ZDHHC20: variants seen among roughly 807,000 people sequenced by gnomAD.
ZDHHC20 encodes the protein palmitoyltransferase ZDHHC20.
A neutral mutation model predicts 57.8 loss-of-function variants in ZDHHC20; 43 were observed. The observed-to-expected ratio is 0.74, with a 90% CI of 0.58 to 0.96. The LOEUF is 0.96. Among genes scored for constraint, ZDHHC20 ranks in the 40% least tolerant of loss-of-function variants. The probability of loss-of-function intolerance (pLI) is 0.00; values close to 1 mark genes in which losing one functional copy is unlikely to be tolerated. For missense variants in ZDHHC20, 391 were observed against 441.1 expected (o/e 0.89, Z 1.02); for synonymous variants, 157 against 153.0 (o/e 1.03, Z -0.19).
chr13:21,407,138 G>A (rs993426449), intron 4 of ZDHHC20, among the ~76,000 whole-genome samples: 4 of 152,076 alleles, frequency 2.6e-5, no homozygotes, highest in East Asian at 1.9e-4. Flanking sequence ...ACAGGTGCCC[G>A]CCACCAGGTC....
At chr13:21,450,653 C>T (rs997183343) in intron 1 of ZDHHC20, among the ~76,000 whole-genome samples, 2 of 152,048 alleles carry the variant, frequency 1.3e-5, no homozygotes, top group East Asian at 3.8e-4. Context: ...TTCAAATAAA[C>T]AGGTCTTCTG....
chr13:21,448,490 C>A (rs1399525632), intron 1 of ZDHHC20, among the ~76,000 whole-genome samples: 2 of 101,968 alleles, frequency 2.0e-5, no homozygotes, highest in Non-Finnish European at 4.8e-5. Context: ...CGCCGCCCGG[C>A]CAGCCGCCCC....
rs1295160446 is a variant in ZDHHC20 at position 21,382,844 on chromosome 13, A to G, written c.944+76T>C. 9.9e-6 allele frequency: 12 copies of G among 1,217,242 alleles called. No homozygotes were observed. The African/African-American group carries it at 1.4e-4, about 14-fold the overall frequency. The allele number at this position is 1,217,242 out of a possible 1,614,324, so 75.4% of individuals were successfully genotyped here. A position where few individuals can be genotyped will look rare whatever the true frequency, so the allele number is the denominator to read the frequency against. On this transcript the variant is annotated intron_variant, in intron 10 of 12. Transcript: ENST00000400590. ...TACTAAATCACTACTGTATTTACTCATAAGATGTACACACAACACATGTAT... is the reference window on the plus strand; with the variant it reads ...TACTAAATCACTACTGTATTTACTCGTAAGATGTACACACAACACATGTAT...
chr13:21,440,039 C>A (rs2137998998), intron 1 of ZDHHC20, among the ~76,000 whole-genome samples: 1 of 138,716 alleles, frequency 7.2e-6, no homozygotes, highest in African/African-American at 2.7e-5. Flanking sequence ...GGCACTCCAG[C>A]CTGGGCGACA....
intron 1 of ZDHHC20, among the ~76,000 whole-genome samples, chr13:21,432,593 A>G (rs375802707): frequency 6.6e-6 from 1 of 152,028 alleles, no homozygotes; most frequent in Admixed American, 6.6e-5. Flanking sequence ...CGGCCTCCCA[A>G]AGTGCTGGGA....
intron 1 of ZDHHC20, among the ~76,000 whole-genome samples, chr13:21,448,495 C>T (rs1466407674): frequency 2.0e-5 from 2 of 100,018 alleles, no homozygotes; most frequent in East Asian, 2.6e-4. Flanking sequence ...CCCGGCCAGC[C>T]GCCCCGTCCG....
At chr13:21,442,808 T>C (rs560739218) in intron 1 of ZDHHC20, among the ~76,000 whole-genome samples, 1 of 152,290 alleles carries the variant, frequency 6.6e-6, no homozygotes, top group Admixed American at 6.5e-5. Flanking sequence ...CAGCAGATAT[T>C]TATTTATATT....
Position 21,458,513 on chromosome 13 carries a change from CG to C in ZDHHC20, c.118+540del, listed in dbSNP as rs900177670. On this transcript the variant is annotated intron_variant, in intron 1 of 12. Transcript: ENST00000400590. ...CAAAAATCAAAAGTGGGAGCTTACT[CG>C]TCCTCCAGGTCTGACCCGCCTCCAG... Among the ~76,000 whole-genome samples the C allele has an allele frequency of 3.3e-5, 5 of 152,256 alleles. No individual in the cohort carries two copies. The South Asian group carries it at 8.3e-4, about 25-fold the overall frequency.
At chr13:21,398,480 A>G (rs1306690321) in intron 7 of ZDHHC20, among the ~76,000 whole-genome samples, 1 of 151,390 alleles carries the variant, frequency 6.6e-6, no homozygotes, top group Non-Finnish European at 1.5e-5. Context: ...AAAAAAAAGG[A>G]AAGAAACATA....
chr13:21,458,870 G>A (rs1229900397), intron 1 of ZDHHC20, among the ~76,000 whole-genome samples, 184 bp downstream of exon 1: 2 of 152,172 alleles, frequency 1.3e-5, no homozygotes, highest in Non-Finnish European at 2.9e-5. Context: ...TCGCCCCAAG[G>A]CCGCGCCGCA....
intron 1 of ZDHHC20, among the ~76,000 whole-genome samples, chr13:21,452,289 C>A (rs576682077): frequency 6.6e-6 from 1 of 152,242 alleles, no homozygotes; most frequent in East Asian, 1.9e-4. Flanking sequence ...GACTGCAAAA[C>A]TTGGCAAATT....
intron 7 of ZDHHC20, among the ~76,000 whole-genome samples, 155 bp downstream of exon 7, chr13:21,400,218 T>G (rs1386122848): frequency 6.6e-6 from 1 of 152,004 alleles, no homozygotes; most frequent in Non-Finnish European, 1.5e-5. Context: ...TATATGAAAG[T>G]AAATTGTAGC....
At chr13:21,415,678 T>C (rs994480867) in intron 3 of ZDHHC20, among the ~76,000 whole-genome samples, 2 of 152,208 alleles carry the variant, frequency 1.3e-5, no homozygotes, top group Non-Finnish European at 2.9e-5. Flanking sequence ...TTTTAACTTG[T>C]TAGAAAGTTA....
At chr13:21,436,953 G>A (rs908984007) in intron 1 of ZDHHC20, among the ~76,000 whole-genome samples, 3 of 152,092 alleles carry the variant, frequency 2.0e-5, no homozygotes, top group Non-Finnish European at 4.4e-5. Flanking sequence ...CGTTGTGTAC[G>A]TGTACCCTAG....
intron 1 of ZDHHC20, among the ~76,000 whole-genome samples, chr13:21,441,842 A>G (rs1228088315): frequency 6.6e-6 from 1 of 152,084 alleles, no homozygotes; most frequent in Non-Finnish European, 1.5e-5. Context: ...TTCAACATAC[A>G]CTATCAGATA....
chr13:21,383,528 C>A (rs1184391531), intron 9 of ZDHHC20, among the ~76,000 whole-genome samples: 4 of 152,150 alleles, frequency 2.6e-5, no homozygotes, highest in African/African-American at 9.7e-5. Flanking sequence ...ACCTCTATTG[C>A]AGACATAAGC....
intron 7 of ZDHHC20, among the ~76,000 whole-genome samples, chr13:21,397,820 T>C (rs1877040284): frequency 6.6e-6 from 1 of 151,882 alleles, no homozygotes. Flanking sequence ...CATAAGCATA[T>C]GCAAAAAAAA....
chr13:21,407,972 G>C (rs1878689117), intron 4 of ZDHHC20, among the ~76,000 whole-genome samples: 1 of 152,020 alleles, frequency 6.6e-6, no homozygotes, highest in African/African-American at 2.4e-5. Context: ...TGTTCCATTG[G>C]TCTATATATC....
At chr13:21,429,049 C>T (rs1881620080) in intron 1 of ZDHHC20, among the ~76,000 whole-genome samples, 1 of 152,158 alleles carries the variant, frequency 6.6e-6, no homozygotes, top group South Asian at 2.1e-4. Context: ...AACATGAGGG[C>T]TGGCTATGTC....
Sources: allele counts gnomAD v4.1 joint callset (sites outside exome capture counted in the v4.1 genomes callset), GRCh38; gene constraint gnomAD v4.1.1; transcripts MANE v1.5; gene names NCBI Gene and HGNC (gene_info 2026-07-23, HGNC 2026-07-21).